UNC119: variants seen among roughly 807,000 people sequenced by gnomAD.
The protein encoded by UNC119 is unc-119 lipid binding chaperone, also known as protein unc-119 homolog A.
A neutral mutation model predicts 22.6 loss-of-function variants in UNC119; 15 were observed. That is an observed-to-expected ratio of 0.66 (90% CI 0.44 to 1.02). The LOEUF is 1.02. Ranked by LOEUF, UNC119 falls within the 50% of genes least tolerant of loss-of-function variation. UNC119 has a pLI of 0.00. For synonymous variants in UNC119, 138 were observed against 139.4 expected (o/e 0.99, Z 0.07); for missense variants, 322 against 336.0 (o/e 0.96, Z 0.33).
At position 28,547,699 on chromosome 17, in the gene UNC119, G is replaced by A; in HGVS notation, c.588C>T (p.Phe196=). ...CACTCAGCTCCTCGGAGAGAGGGGGGAAGTCGTAAATGTGCTCGCAGGTGT... is the reference window on the plus strand; with the variant it reads ...CACTCAGCTCCTCGGAGAGAGGGGGAAAGTCGTAAATGTGCTCGCAGGTGT... The part of the protein sequence containing the change: ...SKNTCEHIYD[F]PPLSEELISE... Residue 196 remains phenylalanine, a synonymous_variant, in exon 4 of 5, where the codon TTC becomes TTT. Coordinates refer to ENST00000335765, the MANE Select transcript of UNC119 (RefSeq NM_005148.4). 1.2e-6 allele frequency: 2 copies of A among 1,614,222 alleles called. No individual in the cohort carries two copies. The highest frequency in any genetic ancestry group is 8.5e-7 in the Non-Finnish European group (1 of 1,180,046).
At chr17:28,547,508 T>C in intron 4 of UNC119, 99 bp from the exon 5 acceptor site, 1 of 1,586,604 alleles carries the variant, frequency 6.3e-7, no homozygotes, top group Non-Finnish European at 8.6e-7. Flanking sequence ...CCAAACAGCC[T>C]GAAATATCCC....
Position 28,547,716 on chromosome 17 carries a change from C to A in UNC119, c.571G>T (p.Glu191Ter), listed in dbSNP as rs1405456098. Residue 191 changes from glutamate (E) to a stop codon, truncating the protein, a stop_gained, in exon 4 of 5, where the codon GAG becomes TAG. Coordinates refer to ENST00000335765, the MANE Select transcript of UNC119 (RefSeq NM_005148.4). LOFTEE classifies it high-confidence loss of function. ...AGAGGGGGGAAGTCGTAAATGTGCT[C>A]GCAGGTGTTCTTGCTGCTGGGGATG... Reference protein sequence around the residue: ...FCIPSSKNTCEHIYDFPPLSE... With the variant: ...FCIPSSKNTC 1 of 1,614,056 alleles carries A rather than the reference C, an allele frequency of 6.2e-7. No homozygotes were observed. The highest frequency in any genetic ancestry group is 1.1e-5 in the South Asian group (1 of 91,082).
chr17:28,548,064 A>T lies in UNC119; in HGVS notation c.372T>A (p.Asn124Lys). Reference protein sequence around the residue: ...LPINRRDLDPNAGRFVRYQFT... With the variant: ...LPINRRDLDPKAGRFVRYQFT... Reference sequence around the variant, plus strand: ...ACTGGTAGCGGACAAAGCGCCCAGCATTGGGGTCCAGGTCCCGCCGGTTGA... The same window carrying T: ...ACTGGTAGCGGACAAAGCGCCCAGCTTTGGGGTCCAGGTCCCGCCGGTTGA... The change falls in exon 3 of 5, where the codon AAT (asparagine) becomes AAA (lysine). Residue 124 changes from asparagine (N) to lysine (K), a missense_variant. Asn to Lys is a moderately conservative substitution (Grantham distance 94). Coordinates refer to ENST00000335765, the MANE Select transcript of UNC119 (RefSeq NM_005148.4). The T allele has an allele frequency of 6.2e-7, 1 of 1,613,820 alleles. No homozygotes were observed. The highest frequency in any genetic ancestry group is 1.3e-5 in the African/African-American group (1 of 75,052).
chr17:28,551,222 G>GC (rs1049413609), intron 1 of UNC119: 59 of 151,706 alleles, frequency 3.9e-4, no homozygotes, highest in South Asian at 1.7e-3. Flanking sequence ...CCACAGAGAG[G>GC]CCCCCCCCAA....
At position 28,547,506 on chromosome 17, in the gene UNC119, C is replaced by A. The variant is rs991248504; in HGVS notation, c.611-97G>T. ...CTGGGGTACAGGGACAGCCAAACAGCCTGAAATATCCCCAGCCTCTTTCTC... is the reference window on the plus strand; with the variant it reads ...CTGGGGTACAGGGACAGCCAAACAGACTGAAATATCCCCAGCCTCTTTCTC... On this transcript the variant is annotated intron_variant, in intron 4 of 4. Transcript: ENST00000335765. 2.5e-6 allele frequency: 4 copies of A among 1,586,194 alleles called. No individual in the cohort carries two copies. The African/African-American group carries it at 5.4e-5, about 21-fold the overall frequency.
intron 4 of UNC119, 51 bp from the exon 5 acceptor site, chr17:28,547,460 G>A (rs750279502): frequency 1.7e-5 from 27 of 1,606,436 alleles, no homozygotes; most frequent in Admixed American, 5.1e-5. Context: ...CTTGAGTCCC[G>A]CCACTGCAGG....
At position 28,548,047 on chromosome 17, in the gene UNC119, C is replaced by T. The variant is rs769614921; in HGVS notation, c.389G>A (p.Arg130His). The T allele has an allele frequency of 9.3e-6, 15 of 1,613,722 alleles. No individual in the cohort carries two copies. The highest frequency in any genetic ancestry group is 2.7e-5 in the African/African-American group (2 of 74,920). ...DLDPNAGRFV[R>H]YQFTPAFLRL... ...GAGGAAGGCAGGCGTGAACTGGTAGCGGACAAAGCGCCCAGCATTGGGGTC... is the reference window on the plus strand; with the variant it reads ...GAGGAAGGCAGGCGTGAACTGGTAGTGGACAAAGCGCCCAGCATTGGGGTC... Residue 130 changes from arginine (R) to histidine (H), a missense_variant, in exon 3 of 5, where the codon CGC (arginine) becomes CAC (histidine). By Grantham distance (29) the Arg-to-His change is conservative. Coordinates refer to ENST00000335765, the MANE Select transcript of UNC119 (RefSeq NM_005148.4).
Position 28,552,321 on chromosome 17 carries a change from C to T in UNC119, c.220+17G>A, listed in dbSNP as rs1449066797. 7 of 1,531,296 alleles carry T rather than the reference C, an allele frequency of 4.6e-6. No individual in the cohort carries two copies. In the Admixed American group the frequency reaches 1.4e-4, roughly 30 times the overall value. The allele number at this position is 1,531,296 out of a possible 1,614,324, so 94.9% of individuals were successfully genotyped here. A position where few individuals can be genotyped will look rare whatever the true frequency, so the allele number is the denominator to read the frequency against. ...CCCCTTCCCACCCGCGGGCGGCGCT[C>T]CCTCGCGGGTGCTCACCACCGGTGA... On this transcript the variant is annotated intron_variant, in intron 1 of 4. Transcript: ENST00000335765.
chr17:28,548,989 A>C, intron 1 of UNC119: 5 of 340,126 alleles, frequency 1.5e-5, no homozygotes, highest in South Asian at 3.6e-5. Context: ...CCTCCTGAAC[A>C]CTCTCTCTCC....
chr17:28,551,986 T>G, intron 1 of UNC119: 4 of 458,708 alleles, frequency 8.7e-6, no homozygotes, highest in Non-Finnish European at 8.7e-6. Flanking sequence ...CCTCTCTTCA[T>G]TAGTGCAGGG....
chr17:28,552,105 G>A (rs2070278413), intron 1 of UNC119: 1 of 704,768 alleles, frequency 1.4e-6, no homozygotes. Context: ...GGAAAAGGAA[G>A]GAATAAATCT....
Position 28,552,624 on chromosome 17 carries a change from G to A in UNC119, c.-67C>T. On this transcript the variant is annotated 5_prime_UTR_variant, in exon 1 of 5. Transcript: ENST00000335765. The stretch of plus-strand genomic sequence containing the variant: ...CCTGCGCCGGCTGGAGCCGGGGGAA[G>A]TGGGAGCATCCGCAGCCCCGCCCCC... The A allele has an allele frequency of 7.2e-7, 1 of 1,397,584 alleles. No individual in the cohort carries two copies. Among genetic ancestry groups the A allele is most frequent in the Non-Finnish European group, 9.4e-7 (1 of 1,064,840 alleles). 86.6% of individuals were successfully genotyped at this position (1,397,584 alleles called of 1,614,324 possible). A position where few individuals can be genotyped will look rare whatever the true frequency, so the allele number is the denominator to read the frequency against.
Position 28,552,320 on chromosome 17 carries a change from TC to T in UNC119, c.220+17del. ...TCCCCTTCCCACCCGCGGGCGGCGCTCCCTCGCGGGTGCTCACCACCGGTGA... is the reference window on the plus strand; with the variant it reads ...TCCCCTTCCCACCCGCGGGCGGCGCTCCTCGCGGGTGCTCACCACCGGTGA... On this transcript the variant is annotated intron_variant, in intron 1 of 4. Transcript: ENST00000335765. 2 of 1,530,174 alleles carry T rather than the reference TC, an allele frequency of 1.3e-6. No homozygotes were observed. The allele number at this position is 1,530,174 out of a possible 1,614,324, so 94.8% of individuals were successfully genotyped here.
chr17:28,550,446 G>A (rs2070258149), intron 1 of UNC119: 1 of 152,172 alleles, frequency 6.6e-6, no homozygotes, highest in Non-Finnish European at 1.5e-5. Flanking sequence ...AAGAAGTGAG[G>A]AACACGGATA....
intron 2 of UNC119, 45 bp from the exon 3 acceptor site, chr17:28,548,146 C>T (rs2070232052): frequency 6.4e-7 from 1 of 1,563,302 alleles, no homozygotes; most frequent in Non-Finnish European, 8.7e-7. Context: ...CAGGCTGGGC[C>T]CTTGTCCACC....
chr17:28,547,495 C>T (rs2070220084), intron 4 of UNC119, 86 bp from the exon 5 acceptor site: 3 of 1,590,076 alleles, frequency 1.9e-6, no homozygotes, highest in South Asian at 2.3e-5. Context: ...GGTACAGGGA[C>T]AGCCAAACAG....
chr17:28,547,168 A>AT lies in UNC119; in HGVS notation c.*128dup, dbSNP rs1462346620. The AT allele has an allele frequency of 8.8e-7, 1 of 1,141,590 alleles. No individual in the cohort carries two copies. Among genetic ancestry groups the AT allele is most frequent in the African/African-American group, 1.5e-5 (1 of 65,290 alleles). The allele number at this position is 1,141,590 out of a possible 1,614,324, so 70.7% of individuals were successfully genotyped here. A position where few individuals can be genotyped will look rare whatever the true frequency, so the allele number is the denominator to read the frequency against. On this transcript the variant is annotated 3_prime_UTR_variant, in exon 5 of 5. Transcript: ENST00000335765. ...GACACCAGGTACCCTTCCTCCCAAC[A>AT]TTGACTCAGGGTCCGGAGCTCCTGG...
chr17:28,550,024 C>G (rs2070253972), intron 1 of UNC119: 1 of 152,248 alleles, frequency 6.6e-6, no homozygotes, highest in South Asian at 2.1e-4. Flanking sequence ...TGCTTCTTCC[C>G]CAAGCCTGAC....
intron 1 of UNC119, 144 bp from the exon 2 acceptor site, chr17:28,548,849 T>A (rs1054478978): frequency 1.5e-6 from 1 of 645,642 alleles, no homozygotes; most frequent in Non-Finnish European, 2.7e-6. Context: ...TCCCTGCCCT[T>A]GGGGTACACC....
Sources: gnomAD v4.1 joint callset for allele counts on GRCh38, gnomAD v4.1.1 for gene constraint, MANE v1.5 for transcripts, NCBI Gene and HGNC (gene_info 2026-07-23, HGNC 2026-07-21) for gene names.